Variants in UGGT2 observed in about 807,000 individuals in gnomAD.
The protein encoded by UGGT2 is UDP-glucose:glycoprotein glucosyltransferase 2.
UGGT2 carries 180 observed loss-of-function variants against 192.1 expected under a neutral mutation model. The observed-to-expected ratio is 0.94, with a 90% CI of 0.83 to 1.06. UGGT2 has a LOEUF of 1.06. UGGT2 is among the 50% of genes least tolerant of loss of function. UGGT2 has a pLI of 0.00. For missense variants in UGGT2, 1,849 were observed against 1,795.7 expected (o/e 1.03, Z -0.54); for synonymous variants, 580 against 591.0 (o/e 0.98, Z 0.27).
chr13:95,985,403 C>T (rs1195860773), intron 9 of UGGT2: 1 of 479,066 alleles, frequency 2.1e-6, no homozygotes, highest in Admixed American at 3.6e-5. Context: ...TATCTTGTAG[C>T]CAACCATGTA....
chr13:95,895,452 A>G, intron 22 of UGGT2, 148 bp from the exon 23 acceptor site: 4 of 449,990 alleles, frequency 8.9e-6, no homozygotes, highest in Non-Finnish European at 1.5e-5. Context: ...GCCATTTACT[A>G]AATACGCTAG....
intron 36 of UGGT2, among the ~76,000 whole-genome samples, chr13:95,851,648 C>T (rs1229866387): frequency 6.6e-6 from 1 of 152,160 alleles, no homozygotes; most frequent in Non-Finnish European, 1.5e-5. Flanking sequence ...ACAAGAAGTG[C>T]TCACTACACA....
At chr13:96,018,025 G>A (rs948480018) in intron 4 of UGGT2, among the ~76,000 whole-genome samples, 6 of 152,050 alleles carry the variant, frequency 3.9e-5, no homozygotes, top group Non-Finnish European at 7.4e-5. Context: ...ACATAAATTG[G>A]GAGTAAAGTC....
chr13:95,833,592 G>A (rs1230786718), intron 37 of UGGT2, among the ~76,000 whole-genome samples: 3 of 152,118 alleles, frequency 2.0e-5, no homozygotes, highest in Non-Finnish European at 4.4e-5. Flanking sequence ...TTAAACTATT[G>A]AGTACTACTA....
intron 20 of UGGT2, among the ~76,000 whole-genome samples, chr13:95,915,820 A>G (rs1020172573): frequency 1.3e-5 from 2 of 152,040 alleles, no homozygotes; most frequent in African/African-American, 4.8e-5. Flanking sequence ...ACCCCAATCC[A>G]TTCCTCCTCA....
chr13:96,012,740 G>A (rs113176113), intron 5 of UGGT2, among the ~76,000 whole-genome samples: 2 of 51,518 alleles, frequency 3.9e-5, no homozygotes, highest in Admixed American at 1.7e-4. Context: ...ATATTCATAC[G>A]CATGTGTGTG....
chr13:95,805,102 T>C (rs1594045902), intron 38 of UGGT2, among the ~76,000 whole-genome samples: 1 of 151,904 alleles, frequency 6.6e-6, no homozygotes, highest in East Asian at 1.9e-4. Flanking sequence ...AAAAATCAAA[T>C]AACCTGATTA....
At chr13:95,945,900 G>A (rs2049850163) in intron 15 of UGGT2, among the ~76,000 whole-genome samples, 1 of 152,050 alleles carries the variant, frequency 6.6e-6, no homozygotes, top group Non-Finnish European at 1.5e-5. Flanking sequence ...ATTTTCCTGG[G>A]AGTTACAGAA....
chr13:95,856,262 G>A lies in UGGT2; in HGVS notation c.3904C>T (p.Gln1302Ter), dbSNP rs750198206. 6.2e-7 allele frequency: 1 copy of A among 1,613,708 alleles called. No individual in the cohort carries two copies. Among genetic ancestry groups the A allele is most frequent in the Admixed American group, 1.7e-5 (1 of 59,952 alleles). Residue 1302 changes from glutamine (Q) to a stop codon, truncating the protein, a stop_gained, in exon 34 of 39, where the codon CAA becomes TAA. Transcript: ENST00000376747. LOFTEE classifies it high-confidence loss of function. Reference protein sequence around the residue: ...VQYRWPRWLRQQTERQRIIWG... With the variant: ...VQYRWPRWLR ...ATAATCCTCTGTCTTTCAGTCTGTT[G>A]ACGAAGCCAACGGGGCCACCTATAT... is the stretch of plus-strand genomic sequence containing the variant.
chr13:96,024,089 T>C (rs938406034), intron 2 of UGGT2, among the ~76,000 whole-genome samples: 2 of 152,128 alleles, frequency 1.3e-5, no homozygotes, highest in African/African-American at 4.8e-5. Flanking sequence ...ACCTACAAGG[T>C]AGAAATTAAG....
intron 5 of UGGT2, among the ~76,000 whole-genome samples, chr13:96,007,202 T>A (rs2052007860): frequency 6.6e-6 from 1 of 152,156 alleles, no homozygotes; most frequent in South Asian, 2.1e-4. Flanking sequence ...AACCATATGA[T>A]AATTTAAATA....
At chr13:96,044,579 GATAAC>G (rs1451656079) in intron 1 of UGGT2, among the ~76,000 whole-genome samples, 2 of 151,934 alleles carry the variant, frequency 1.3e-5, no homozygotes, top group Non-Finnish European at 2.9e-5. Context: ...TCTTTGAAAA[GATAAC>G]ATAAATAGAC....
chr13:95,903,265 T>G (rs564526690), intron 20 of UGGT2, among the ~76,000 whole-genome samples: 3 of 152,310 alleles, frequency 2.0e-5, no homozygotes, highest in Non-Finnish European at 2.9e-5. Context: ...TTCAGATATT[T>G]GCATAATGAT....
chr13:96,019,381 A>G (rs1287796853), intron 4 of UGGT2, among the ~76,000 whole-genome samples: 2 of 152,324 alleles, frequency 1.3e-5, no homozygotes, highest in East Asian at 1.9e-4. Flanking sequence ...TATGGATCAC[A>G]TCTAAAGAAC....
At chr13:95,916,720 G>A (rs890428118) in intron 20 of UGGT2, among the ~76,000 whole-genome samples, 1 of 152,064 alleles carries the variant, frequency 6.6e-6, no homozygotes, top group Non-Finnish European at 1.5e-5. Context: ...TGACCTGATG[G>A]AGCTGAAAAA....
Position 95,948,091 on chromosome 13 carries a change from A to G in UGGT2, c.1456-10T>C. On this transcript the variant is annotated splice_polypyrimidine_tract_variant and intron_variant, in intron 13 of 38. Transcript: ENST00000376747. Reference sequence around the variant, plus strand: ...GATCAATAAACAGAACCTAAAAGAAAGATAGTATATATCACTATTTCAACA... The same window carrying G: ...GATCAATAAACAGAACCTAAAAGAAGGATAGTATATATCACTATTTCAACA... 6.2e-7 allele frequency: 1 copy of G among 1,604,396 alleles called. No individual in the cohort carries two copies. The highest frequency in any genetic ancestry group is 8.5e-7 in the Non-Finnish European group (1 of 1,172,528).
At chr13:95,834,531 T>C (rs1887078151) in intron 37 of UGGT2, among the ~76,000 whole-genome samples, 1 of 152,174 alleles carries the variant, frequency 6.6e-6, no homozygotes, top group Non-Finnish European at 1.5e-5. Flanking sequence ...ACATTTTCAT[T>C]CCCACCTTCA....
At chr13:95,960,599 TA>T (rs1055501515) in intron 12 of UGGT2, among the ~76,000 whole-genome samples, 4 of 150,914 alleles carry the variant, frequency 2.7e-5, no homozygotes, top group African/African-American at 7.3e-5. Context: ...CCCAGAAGAT[TA>T]AAAAAAAAGT....
intron 20 of UGGT2, among the ~76,000 whole-genome samples, chr13:95,905,226 T>A (rs2048248551): frequency 6.7e-6 from 1 of 149,504 alleles, no homozygotes; most frequent in African/African-American, 2.4e-5. Flanking sequence ...GTTGTGGAAA[T>A]TTTCTCCCAT....
Sources: allele counts gnomAD v4.1 joint callset (sites outside exome capture counted in the v4.1 genomes callset), GRCh38; gene constraint gnomAD v4.1.1; transcripts MANE v1.5; gene names NCBI Gene and HGNC (gene_info 2026-07-23, HGNC 2026-07-21).